The following GIGYF2 variants were observed in gnomAD, a reference collection of about 807,000 sequenced individuals.
GIGYF2 encodes the protein GRB10-interacting GYF protein 2.
Under a neutral mutation model 208.1 loss-of-function variants are expected in GIGYF2, and 25 were observed. That is an observed-to-expected ratio of 0.12 (90% CI 0.09 to 0.17). GIGYF2 has a LOEUF of 0.17. Among genes scored for constraint, GIGYF2 ranks in the 10% least tolerant of loss-of-function variants. The pLI, the probability that GIGYF2 is intolerant of heterozygous loss-of-function variation, is 1.00. For missense variants in GIGYF2, 1,302 were observed against 1,579.4 expected (o/e 0.82, Z 2.98); for synonymous variants, 534 against 543.8 (o/e 0.98, Z 0.25).
intron 21 of GIGYF2, among the ~76,000 whole-genome samples, chr2:232,822,686 A>G (rs1002706401): frequency 2.0e-5 from 3 of 152,080 alleles, no homozygotes; most frequent in Admixed American, 2.0e-4. Flanking sequence ...TCGGAGGGGG[A>G]AAAGCTGTTT....
chr2:232,801,098 T>C (rs1320200946), intron 14 of GIGYF2, among the ~76,000 whole-genome samples: 2 of 152,222 alleles, frequency 1.3e-5, no homozygotes, highest in African/African-American at 2.4e-5. Flanking sequence ...CTTGCTATGT[T>C]GACCAGGCTG....
intron 22 of GIGYF2, among the ~76,000 whole-genome samples, chr2:232,837,901 G>C (rs1472209056): frequency 6.6e-6 from 1 of 152,224 alleles, no homozygotes; most frequent in Non-Finnish European, 1.5e-5. Context: ...AGGTAGCAAT[G>C]TCAGCGCAGA....
chr2:232,836,298 A>T (rs1413265164), intron 22 of GIGYF2, among the ~76,000 whole-genome samples: 540 of 20,250 alleles, frequency 0.027, 24 homozygotes, highest in Admixed American at 0.052. Context: ...ATATATATAT[A>T]TATATATATA....
rs114814293 is a variant in GIGYF2 at position 232,823,971 on chromosome 2, T to C, written c.2529+3986T>C. 9.6e-4 allele frequency among the ~76,000 whole-genome samples: 147 copies of C among 152,384 alleles called. 1 individual carries two copies. Among genetic ancestry groups the C allele is most frequent in the African/African-American group, 3.3e-3 (139 of 41,596 alleles). On this transcript the variant is annotated intron_variant, in intron 21 of 28. Transcript: ENST00000373563. ...ATGTTTCAGATTTTTTTTACTGTTATATCTGTTACGGTGATCTGTAATAAG... is the reference window on the plus strand; with the variant it reads ...ATGTTTCAGATTTTTTTTACTGTTACATCTGTTACGGTGATCTGTAATAAG...
At chr2:232,834,127 G>A (rs996990205) in intron 22 of GIGYF2, among the ~76,000 whole-genome samples, 2 of 152,080 alleles carry the variant, frequency 1.3e-5, no homozygotes, top group Admixed American at 6.5e-5. Flanking sequence ...GAAGGGAGGA[G>A]CAGACTTATG....
intron 2 of GIGYF2, among the ~76,000 whole-genome samples, chr2:232,730,603 T>TCAAAAAAAAAAA (rs1229881422): frequency 1.1e-5 from 1 of 89,072 alleles, no homozygotes. Flanking sequence ...AGACTCAGTC[T>TCAAAAAAAAAAA]TAAAAAAAAA....
intron 8 of GIGYF2, among the ~76,000 whole-genome samples, chr2:232,773,612 A>G (rs1430461288): frequency 6.6e-6 from 1 of 152,150 alleles, no homozygotes; most frequent in African/African-American, 2.4e-5. Flanking sequence ...AACTGTCTCA[A>G]GTATCTGTAT....
At chr2:232,745,383 CTGT>C (rs1306943644) in intron 3 of GIGYF2, among the ~76,000 whole-genome samples, 1 of 152,060 alleles carries the variant, frequency 6.6e-6, no homozygotes, top group Non-Finnish European at 1.5e-5. Flanking sequence ...AGAAAAGAAG[CTGT>C]TGAAGACTGC....
rs565067765 is a variant in GIGYF2 at position 232,843,534 on chromosome 2, G to C, written c.2890-512G>C. 4.1e-5 allele frequency among the ~76,000 whole-genome samples: 6 copies of C among 145,880 alleles called. No homozygotes were observed. The East Asian group carries it at 1.2e-3, about 30-fold the overall frequency. On this transcript the variant is annotated intron_variant, in intron 23 of 28. Coordinates refer to ENST00000373563, the MANE Select transcript of GIGYF2 (RefSeq NM_001103146.3). ...GCTGAGATCGTGCCATTGCACTCCA[G>C]TCTGGGCGACAGAGCGAGACCCTGT...
rs1396077809 is a variant in GIGYF2 at position 232,859,108 on chromosome 2, AAC to A, written c.*2251_*2252del. On this transcript the variant is annotated 3_prime_UTR_variant, in exon 29 of 29. Transcript: ENST00000373563. ...AGGAATTTCCCACTTAGTAGAAAGA[AAC>A]ACTCTTCCCTGGGAATGTTTGTTTC... is the stretch of plus-strand genomic sequence containing the variant. 6.6e-6 allele frequency: 1 copy of A among 152,282 alleles called. No individual in the cohort carries two copies. Among genetic ancestry groups the A allele is most frequent in the African/African-American group, 2.4e-5 (1 of 41,438 alleles). The allele number at this position is 152,282 out of a possible 1,614,324, so 9.4% of individuals were successfully genotyped here.
At chr2:232,711,682 AG>A (rs1355321058) in intron 2 of GIGYF2, among the ~76,000 whole-genome samples, 3 of 114,628 alleles carry the variant, frequency 2.6e-5, no homozygotes, top group African/African-American at 3.2e-5. Context: ...AAGTATATGA[AG>A]GAAAATTATC....
In GIGYF2 at chr2:232,844,729, T is replaced by C. The variant is rs188703028; in HGVS notation, c.3305+155T>C. ...GCACATGCAGTCATAATTATGGTGA[T>C]TGCTTTCTTCCCCATAGAAACACAT... On this transcript the variant is annotated intron_variant, in intron 25 of 28. Transcript: ENST00000373563. 9.9e-4 allele frequency among the ~76,000 whole-genome samples: 151 copies of C among 152,294 alleles called. 2 individuals carry two copies. Among genetic ancestry groups the C allele is most frequent in the Admixed American group, 8.8e-3 (135 of 15,302 alleles).
chr2:232,828,668 A>AGTCC (rs1396479436), intron 21 of GIGYF2: 1 of 152,192 alleles, frequency 6.6e-6, no homozygotes, highest in African/African-American at 2.4e-5. Context: ...GTCTGATGGT[A>AGTCC]GTGGGTTATC....
chr2:232,836,319 TATATATATATACATA>T (rs1701619531), intron 22 of GIGYF2, among the ~76,000 whole-genome samples: 1 of 23,734 alleles, frequency 4.2e-5, no homozygotes, highest in African/African-American at 1.3e-4. Context: ...TATATATATA[TATATATATATACATA>T]TATATACTTA....
At chr2:232,841,135 A>AT (rs1186200650) in intron 23 of GIGYF2, among the ~76,000 whole-genome samples, 1 of 152,158 alleles carries the variant, frequency 6.6e-6, no homozygotes, top group Non-Finnish European at 1.5e-5. Flanking sequence ...TTATCAACAA[A>AT]TGGATGCAGA....
At chr2:232,847,239 A>G (rs1297957600) in intron 26 of GIGYF2, 109 bp from the exon 27 acceptor site, 3 of 1,068,650 alleles carry the variant, frequency 2.8e-6, no homozygotes, top group Non-Finnish European at 4.4e-6. Context: ...AGTGTCTGTC[A>G]TTAATGTTTG....
At chr2:232,750,287 T>C (rs1038533855) in intron 5 of GIGYF2, among the ~76,000 whole-genome samples, 5 of 152,186 alleles carry the variant, frequency 3.3e-5, no homozygotes, top group African/African-American at 1.2e-4. Flanking sequence ...AAAATGCACC[T>C]TGGACATGGC....
At chr2:232,813,370 T>G (rs1233189508) in intron 18 of GIGYF2, among the ~76,000 whole-genome samples, 1 of 145,736 alleles carries the variant, frequency 6.9e-6, no homozygotes, top group Non-Finnish European at 1.5e-5. Context: ...CTATCACACC[T>G]GACTAATTTT....
Position 232,816,970 on chromosome 2 carries a change from C to T in GIGYF2, c.2308C>T (p.Arg770Trp), listed in dbSNP as rs1013761671. The change falls in exon 20 of 29, where the codon CGG (arginine) becomes TGG (tryptophan). Residue 770 changes from arginine to tryptophan, a missense_variant. This residue lies in a region of GIGYF2 where 701 missense variants were observed against 793.0 expected (regional missense o/e 0.88). Transcript: ENST00000373563. ...ELRRQQEEIL[R>W]RQQEEERKRR... ...CCGAAGACAACAGGAGGAAATTCTT[C>T]GGCGACAGCAGGAAGAAGAAAGGAA... 9 of 1,612,904 alleles carry T rather than the reference C, an allele frequency of 5.6e-6. No homozygotes were observed. The highest frequency in any genetic ancestry group is 1.3e-5 in the African/African-American group (1 of 74,834).
Sources: gnomAD v4.1 joint callset for allele counts (sites outside exome capture counted in the v4.1 genomes callset) on GRCh38, gnomAD v4.1.1 for gene constraint, gnomAD v4.1.1 regional missense constraint, MANE v1.5 for transcripts, NCBI Gene and HGNC (gene_info 2026-07-23, HGNC 2026-07-21) for gene names.